AIG1: variants seen among roughly 807,000 people sequenced by gnomAD.
The protein encoded by AIG1 is androgen-induced gene 1 protein.
Under a neutral mutation model 31.4 loss-of-function variants are expected in AIG1, and 23 were observed. The ratio of observed to expected loss-of-function variants is 0.73; its 90% CI spans 0.53 to 1.04. The LOEUF is 1.04. Among genes scored for constraint, AIG1 ranks in the 50% least tolerant of loss-of-function variants. AIG1 has a pLI of 0.00. For synonymous variants in AIG1, 100 were observed against 110.5 expected (o/e 0.90, Z 0.60); for missense variants, 274 against 295.0 (o/e 0.93, Z 0.52).
chr6:143,181,457 A>G (rs1263664013), intron 3 of AIG1, among the ~76,000 whole-genome samples: 3 of 152,232 alleles, frequency 2.0e-5, no homozygotes, highest in East Asian at 3.8e-4. Context: ...AGCTTCTTCC[A>G]TTGTAAATTT....
rs189950462 is a variant in AIG1, at chr6:143,179,528, G to A, written c.399+14345G>A. 2.0e-5 allele frequency among the ~76,000 whole-genome samples: 3 copies of A among 152,242 alleles called. No individual in the cohort carries two copies. The East Asian group carries it at 5.8e-4, about 29-fold the overall frequency. ...CAGCACAAAATTAGTGAGAAAACAG[G>A]CATAAGAAAGCTTACAGGATCTGAA... On this transcript the variant is annotated intron_variant, in intron 3 of 5. Coordinates refer to ENST00000357847, the MANE Select transcript of AIG1 (RefSeq NM_016108.4).
At chr6:143,225,829 C>G (rs897107152) in intron 3 of AIG1, among the ~76,000 whole-genome samples, 1 of 152,130 alleles carries the variant, frequency 6.6e-6, no homozygotes, top group Non-Finnish European at 1.5e-5. Flanking sequence ...TCCCTTGTTT[C>G]TGTTTCAATT....
intron 1 of AIG1, among the ~76,000 whole-genome samples, chr6:143,065,352 A>G (rs1296198284): frequency 6.6e-6 from 1 of 152,244 alleles, no homozygotes; most frequent in Non-Finnish European, 1.5e-5. Flanking sequence ...ATGTCAGGCC[A>G]GGAGAAGAAA....
chr6:143,246,034 A>G (rs181828786), intron 3 of AIG1, among the ~76,000 whole-genome samples: 1 of 152,270 alleles, frequency 6.6e-6, no homozygotes, highest in African/African-American at 2.4e-5. Context: ...TGCAAAACAA[A>G]TCTCCTCACG....
At chr6:143,071,790 G>A (rs938123224) in intron 1 of AIG1, among the ~76,000 whole-genome samples, 4 of 150,102 alleles carry the variant, frequency 2.7e-5, no homozygotes, top group African/African-American at 9.9e-5. Flanking sequence ...GTGTGTGTGT[G>A]TGTATGTGTG....
intron 3 of AIG1, among the ~76,000 whole-genome samples, chr6:143,262,898 C>A (rs1431474521): frequency 6.6e-6 from 1 of 152,132 alleles, no homozygotes; most frequent in Admixed American, 6.6e-5. Context: ...GCAATGCTTT[C>A]TAATTTTCTC....
intron 3 of AIG1, among the ~76,000 whole-genome samples, chr6:143,245,216 A>G (rs184423660): frequency 1.8e-4 from 27 of 152,354 alleles, no homozygotes; most frequent in African/African-American, 6.3e-4. Flanking sequence ...CACATACATT[A>G]TATCATTTGA....
chr6:143,222,454 T>TGTGGC (rs1792603461), intron 3 of AIG1, among the ~76,000 whole-genome samples: 1 of 152,126 alleles, frequency 6.6e-6, no homozygotes, highest in South Asian at 2.1e-4. Context: ...AGGGAAGTAG[T>TGTGGC]GTGGCGTGAT....
rs1169348071 is a variant in AIG1, at chr6:143,334,412, A to C, written c.679+967A>C. Among the ~76,000 whole-genome samples the C allele has an allele frequency of 6.6e-6, 1 of 152,232 alleles. No homozygotes were observed. The highest frequency in any genetic ancestry group is 1.5e-5 in the Non-Finnish European group (1 of 68,030). On this transcript the variant is annotated intron_variant, in intron 5 of 5. Transcript: ENST00000357847. The surrounding 1 kb of genome is among the most constrained non-coding windows in gnomAD (Gnocchi z 5.1). ...CACAGTGAGTGCATGGTTACTGTGC[A>C]TGGTTACTGAATCAGACTTTTGTGT... is the stretch of plus-strand genomic sequence containing the variant.
At chr6:143,226,303 T>C (rs2128627774) in intron 3 of AIG1, among the ~76,000 whole-genome samples, 1 of 151,728 alleles carries the variant, frequency 6.6e-6, no homozygotes, top group East Asian at 1.9e-4. Context: ...TGCAGTGGGA[T>C]GATCTCGGCT....
At chr6:143,147,031 A>G (rs1784772433) in intron 2 of AIG1, among the ~76,000 whole-genome samples, 1 of 152,178 alleles carries the variant, frequency 6.6e-6, no homozygotes, top group Admixed American at 6.5e-5. Context: ...GCCAGCTCAC[A>G]GTCTCCTAAG....
Position 143,258,599 on chromosome 6 carries a change from GA to G in AIG1, c.400-25510del, listed in dbSNP as rs1415228000. On this transcript the variant is annotated intron_variant, in intron 3 of 5. Transcript: ENST00000357847. This position sits in a 1 kb window ranked among gnomAD's most constrained non-coding sequence, Gnocchi z 4.7. The stretch of plus-strand genomic sequence containing the variant: ...CTTTATTGGCAGAGAGAGAATCAAG[GA>G]GGGGCATGAAGTAGAATAGAGAAAG... Among the ~76,000 whole-genome samples, 4 of 152,258 alleles carry G rather than the reference GA, an allele frequency of 2.6e-5. No individual in the cohort carries two copies. Among genetic ancestry groups the G allele is most frequent in the Admixed American group, 2.0e-4 (3 of 15,288 alleles).
chr6:143,145,484 ACT>A (rs1784624742), intron 2 of AIG1, among the ~76,000 whole-genome samples: 1 of 152,090 alleles, frequency 6.6e-6, no homozygotes, highest in African/African-American at 2.4e-5. Flanking sequence ...AAAGGAAGAA[ACT>A]CTAGGGAGCC....
intron 3 of AIG1, among the ~76,000 whole-genome samples, chr6:143,261,864 T>A (rs75519960): frequency 0.015 from 2,263 of 152,354 alleles, 41 homozygotes; most frequent in African/African-American, 0.051. Flanking sequence ...TGATGTCTTT[T>A]TCCTCATTGA....
At chr6:143,226,430 G>C (rs1249527355) in intron 3 of AIG1, among the ~76,000 whole-genome samples, 1 of 151,316 alleles carries the variant, frequency 6.6e-6, no homozygotes, top group Non-Finnish European at 1.5e-5. Flanking sequence ...TTTTTTAGTA[G>C]AGATGGGGTT....
chr6:143,251,201 C>A (rs944456427), intron 3 of AIG1, among the ~76,000 whole-genome samples: 1 of 151,894 alleles, frequency 6.6e-6, no homozygotes, highest in Non-Finnish European at 1.5e-5. Flanking sequence ...TACAGGCGTG[C>A]GCCACCACGC....
chr6:143,233,496 A>T (rs1046742063), intron 3 of AIG1, among the ~76,000 whole-genome samples: 1 of 150,520 alleles, frequency 6.6e-6, no homozygotes, highest in Non-Finnish European at 1.5e-5. Flanking sequence ...GTAAAGAATG[A>T]TTTGTTAACC....
At chr6:143,104,728 A>T (rs570309383) in intron 1 of AIG1, among the ~76,000 whole-genome samples, 9 of 152,124 alleles carry the variant, frequency 5.9e-5, no homozygotes, top group African/African-American at 2.2e-4. Flanking sequence ...AGAAAGCTTC[A>T]TCTCTACAAA....
chr6:143,252,707 A>G (rs1051489575), intron 3 of AIG1, among the ~76,000 whole-genome samples: 3 of 152,210 alleles, frequency 2.0e-5, no homozygotes, highest in African/African-American at 4.8e-5. Flanking sequence ...ATCACCACAA[A>G]TTTAGCAGCT....
Sources: allele counts gnomAD v4.1 joint callset (sites outside exome capture counted in the v4.1 genomes callset), GRCh38; gene constraint gnomAD v4.1.1; non-coding constraint Gnocchi (gnomAD v3.1); transcripts MANE v1.5; gene names NCBI Gene and HGNC (gene_info 2026-07-23, HGNC 2026-07-21).